The following DCBLD2 variants were observed in gnomAD, a reference collection of about 807,000 sequenced individuals.
The protein encoded by DCBLD2 is discoidin, CUB and LCCL domain-containing protein 2.
Under a neutral mutation model 86.8 loss-of-function variants are expected in DCBLD2, and 54 were observed. That is an observed-to-expected ratio of 0.62 (90% CI 0.50 to 0.78). The LOEUF is 0.78. Among genes scored for constraint, DCBLD2 ranks in the 30% least tolerant of loss-of-function variants. DCBLD2 has a pLI of 0.00. For missense variants in DCBLD2, 908 were observed against 954.2 expected (o/e 0.95, Z 0.64); for synonymous variants, 354 against 341.3 (o/e 1.04, Z -0.41).
chr3:98,881,112 C>G (rs1001925667), intron 2 of DCBLD2, among the ~76,000 whole-genome samples: 3 of 151,576 alleles, frequency 2.0e-5, no homozygotes, highest in Admixed American at 6.6e-5. Context: ...AAAAATTAGC[C>G]GGCTATGGTG....
chr3:98,831,932 C>A (rs1371028554), intron 3 of DCBLD2, among the ~76,000 whole-genome samples: 1 of 152,066 alleles, frequency 6.6e-6, no homozygotes, highest in African/African-American at 2.4e-5. Flanking sequence ...TTTGGATGGA[C>A]AGTTCTGTAG....
chr3:98,818,457 A>T (rs978187528), intron 8 of DCBLD2, among the ~76,000 whole-genome samples: 1 of 152,308 alleles, frequency 6.6e-6, no homozygotes, highest in South Asian at 2.1e-4. Context: ...TTAAAAAAAG[A>T]GTCTCATTAC....
Position 98,881,564 on chromosome 3 carries a change from T to G in DCBLD2, c.409A>C (p.Ile137Leu). 1.2e-6 allele frequency: 2 copies of G among 1,613,916 alleles called. No individual in the cohort carries two copies. Among genetic ancestry groups the G allele is most frequent in the African/African-American group, 2.7e-5 (2 of 75,056 alleles). Residue 137 changes from isoleucine (I) to leucine (L), a missense_variant, in exon 2 of 16, where the codon ATT becomes CTT. This residue lies in a region of DCBLD2 where 294 missense variants were observed against 256.0 expected (regional missense o/e 1.15). Transcript: ENST00000326840. ...HFNYLRIYNG[I>L]GVSRTEIGKY... ...CCTATTTCAGTTCTGCTGACTCCAA[T>G]TCCATTATAAATTCTCAAGTAATTA...
At chr3:98,865,151 T>C (rs1943120209) in intron 2 of DCBLD2, among the ~76,000 whole-genome samples, 1 of 152,142 alleles carries the variant, frequency 6.6e-6, no homozygotes, top group African/African-American at 2.4e-5. Context: ...GTTGAAAAGA[T>C]ACCTACACTC....
chr3:98,865,287 A>G (rs1457873115), intron 2 of DCBLD2, among the ~76,000 whole-genome samples: 1 of 148,794 alleles, frequency 6.7e-6, no homozygotes, highest in Non-Finnish European at 1.5e-5. Flanking sequence ...AGCCTGTATT[A>G]AAAAAAAAAG....
chr3:98,870,327 T>C (rs1349041512), intron 2 of DCBLD2, among the ~76,000 whole-genome samples: 2 of 152,242 alleles, frequency 1.3e-5, no homozygotes, highest in African/African-American at 4.8e-5. Flanking sequence ...GTTGTCATAC[T>C]GTGTTGATTA....
intron 3 of DCBLD2, among the ~76,000 whole-genome samples, chr3:98,828,419 AAAG>A (rs1204357430): frequency 5.3e-5 from 8 of 152,208 alleles, no homozygotes; most frequent in Non-Finnish European, 1.2e-4. Flanking sequence ...ACATTTCTCC[AAAG>A]AAGATATACA....
chr3:98,858,529 T>C (rs1398095528), intron 2 of DCBLD2, among the ~76,000 whole-genome samples: 1 of 152,128 alleles, frequency 6.6e-6, no homozygotes, highest in Non-Finnish European at 1.5e-5. Flanking sequence ...GGAACAAATA[T>C]TAACATTAAA....
At chr3:98,845,538 G>A (rs1043739146) in intron 3 of DCBLD2, among the ~76,000 whole-genome samples, 6 of 152,096 alleles carry the variant, frequency 3.9e-5, no homozygotes, top group South Asian at 2.1e-4. Flanking sequence ...GCCTCTTAAC[G>A]GGCCTCTCTA....
chr3:98,799,997 T>C (rs1304906887), intron 15 of DCBLD2, among the ~76,000 whole-genome samples, 156 bp from the exon 16 acceptor site: 2 of 152,242 alleles, frequency 1.3e-5, no homozygotes, highest in Admixed American at 1.3e-4. Flanking sequence ...AAATTAAAAT[T>C]AAACATACTG....
At chr3:98,865,693 T>C (rs975311858) in intron 2 of DCBLD2, among the ~76,000 whole-genome samples, 1 of 150,850 alleles carries the variant, frequency 6.6e-6, no homozygotes, top group African/African-American at 2.4e-5. Context: ...GTACAGCATA[T>C]ATACAATTTT....
intron 2 of DCBLD2, among the ~76,000 whole-genome samples, chr3:98,856,876 T>C (rs1348926077): frequency 6.6e-6 from 1 of 151,846 alleles, no homozygotes; most frequent in African/African-American, 2.4e-5. Flanking sequence ...ATTTAAAAAG[T>C]AAAAAGGATC....
chr3:98,900,863 G>A (rs1318365657), intron 1 of DCBLD2: 6 of 563,758 alleles, frequency 1.1e-5, no homozygotes, highest in African/African-American at 7.6e-5. Context: ...TAATATCAAC[G>A]AGGCTTTCAT....
intron 1 of DCBLD2, among the ~76,000 whole-genome samples, chr3:98,886,796 GA>G (rs368452262): frequency 2.7e-5 from 3 of 113,198 alleles, no homozygotes; most frequent in Non-Finnish European, 5.6e-5. Flanking sequence ...ATTATTACAG[GA>G]AAACCCCCCC....
At chr3:98,859,923 T>C (rs1378483587) in intron 2 of DCBLD2, among the ~76,000 whole-genome samples, 2 of 152,194 alleles carry the variant, frequency 1.3e-5, no homozygotes, top group Non-Finnish European at 2.9e-5. Context: ...ATCAAACTTC[T>C]CTGAGCTAAA....
At position 98,901,511 on chromosome 3, in the gene DCBLD2, CCT is replaced by C. The variant is rs1162952821; in HGVS notation, c.-187_-186del. 2.1e-6 allele frequency: 1 copy of C among 482,466 alleles called. No homozygotes were observed. Among genetic ancestry groups the C allele is most frequent in the African/African-American group, 2.0e-5 (1 of 49,150 alleles). The allele number at this position is 482,466 out of a possible 1,614,324, so 29.9% of individuals were successfully genotyped here. ...TCACCTACTCCTCCTTCGTCCCTTC[CCT>C]CCGCTCCCCGCGCCGAGACCCCAGG... On this transcript the variant is annotated 5_prime_UTR_variant, in exon 1 of 16. Transcript: ENST00000326840.
intron 2 of DCBLD2, among the ~76,000 whole-genome samples, chr3:98,855,912 G>A (rs1942923456): frequency 6.6e-6 from 1 of 152,076 alleles, no homozygotes; most frequent in Non-Finnish European, 1.5e-5. Context: ...AAAACATCTT[G>A]AAAAGGTAGT....
At chr3:98,867,959 C>T (rs570362886) in intron 2 of DCBLD2, among the ~76,000 whole-genome samples, 14 of 152,138 alleles carry the variant, frequency 9.2e-5, no homozygotes, top group Middle Eastern at 3.4e-3. Flanking sequence ...CCTGCCACCG[C>T]GCCCGGCTAC....
At position 98,797,704 on chromosome 3, in the gene DCBLD2, A is replaced by G. The variant is rs1208967123; in HGVS notation, c.*1668T>C. On this transcript the variant is annotated 3_prime_UTR_variant, in exon 16 of 16. Coordinates refer to ENST00000326840, the MANE Select transcript of DCBLD2 (RefSeq NM_080927.4). ...AAAACCATACCACAAAAGGACAGGA[A>G]GCCTGCAGAAATAAACAGTTCTCTT... The G allele has an allele frequency of 6.6e-6, 1 of 152,254 alleles. No individual in the cohort carries two copies. Among genetic ancestry groups the G allele is most frequent in the Admixed American group, 6.5e-5 (1 of 15,286 alleles). 9.4% of individuals were successfully genotyped at this position (152,254 alleles called of 1,614,324 possible). A position where few individuals can be genotyped will look rare whatever the true frequency, so the allele number is the denominator to read the frequency against.
Sources: gnomAD v4.1 joint callset for allele counts (sites outside exome capture counted in the v4.1 genomes callset) on GRCh38, gnomAD v4.1.1 for gene constraint, gnomAD v4.1.1 regional missense constraint, MANE v1.5 for transcripts, NCBI Gene and HGNC (gene_info 2026-07-23, HGNC 2026-07-21) for gene names.